RPRD2: variants seen among roughly 807,000 people sequenced by gnomAD.
The protein encoded by RPRD2 is regulation of nuclear pre-mRNA domain containing 2, also known as regulation of nuclear pre-mRNA domain-containing protein 2.
In RPRD2, 12 loss-of-function variants were observed where a neutral mutation model predicts 104.4. The observed-to-expected ratio is 0.11, with a 90% CI of 0.07 to 0.19. RPRD2 has a LOEUF of 0.19. Ranked by LOEUF, RPRD2 falls within the 10% of genes least tolerant of loss-of-function variation. The pLI is 1.00. For synonymous variants in RPRD2, 714 were observed against 684.9 expected (o/e 1.04, Z -0.66); for missense variants, 1,543 against 1,790.1 (o/e 0.86, Z 2.49).
chr1:150,394,290 TC>T (rs1427790344), intron 1 of RPRD2, among the ~76,000 whole-genome samples: 2 of 152,110 alleles, frequency 1.3e-5, no homozygotes, highest in Non-Finnish European at 2.9e-5. Flanking sequence ...CCTCGGGTGA[TC>T]CGCCCGCCTC....
chr1:150,433,705 A>G (rs1321302403), intron 2 of RPRD2, among the ~76,000 whole-genome samples: 2 of 125,578 alleles, frequency 1.6e-5, no homozygotes, highest in South Asian at 2.2e-4. Flanking sequence ...CGGCCTCCCA[A>G]AGTGCTGGGA....
intron 2 of RPRD2, among the ~76,000 whole-genome samples, chr1:150,420,216 A>G (rs911280638): frequency 3.3e-5 from 5 of 152,044 alleles, no homozygotes; most frequent in African/African-American, 2.4e-5. Context: ...TTCATGACCT[A>G]TTTCATGGAT....
chr1:150,407,167 A>G (rs1553886715), intron 1 of RPRD2, among the ~76,000 whole-genome samples: 1 of 152,194 alleles, frequency 6.6e-6, no homozygotes, highest in African/African-American at 2.4e-5. Flanking sequence ...TGGCACATAC[A>G]GTGCTAGGGT....
At chr1:150,452,860 G>T (rs1667289729) in intron 7 of RPRD2, among the ~76,000 whole-genome samples, 1 of 151,372 alleles carries the variant, frequency 6.6e-6, no homozygotes, top group Admixed American at 6.6e-5. Context: ...AACAGTGATG[G>T]GGTTTCACCA....
chr1:150,446,305 T>C lies in RPRD2; in HGVS notation c.774T>C (p.Asp258=), dbSNP rs1483359832. 9 of 1,612,510 alleles carry C rather than the reference T, an allele frequency of 5.6e-6. No homozygotes were observed. Among genetic ancestry groups the C allele is most frequent in the Non-Finnish European group, 7.6e-6 (9 of 1,179,540 alleles). The stretch of plus-strand genomic sequence containing the variant: ...TGGAAGAATTTGTGAATGGATTAGA[T>C]AAGCAGGTGAAAAACGGACCCTCAT... ...SKLEEFVNGL[D]KQVKNGPSLT... Residue 258 remains aspartate (D), a synonymous_variant, in exon 7 of 11, where the codon GAT becomes GAC. Coordinates refer to ENST00000369068, the MANE Select transcript of RPRD2 (RefSeq NM_015203.5).
chr1:150,401,710 C>A (rs2102220897), intron 1 of RPRD2, among the ~76,000 whole-genome samples: 1 of 150,934 alleles, frequency 6.6e-6, no homozygotes, highest in Non-Finnish European at 1.5e-5. Context: ...GTGGCGCAAT[C>A]TCGGCTCACT....
intron 2 of RPRD2, among the ~76,000 whole-genome samples, chr1:150,423,087 A>T (rs1337141136): frequency 1.3e-5 from 2 of 152,212 alleles, no homozygotes; most frequent in African/African-American, 4.8e-5. Flanking sequence ...GAGGGGTAAA[A>T]ATGAAAGTTA....
intron 1 of RPRD2, among the ~76,000 whole-genome samples, chr1:150,377,669 TAATA>T (rs1160782498): frequency 2.0e-5 from 3 of 151,620 alleles, no homozygotes; most frequent in African/African-American, 7.3e-5. Context: ...GGAAGTATAA[TAATA>T]TGAGTTTTAT....
At position 150,471,334 on chromosome 1, in the gene RPRD2, A is replaced by C. The variant is rs1157460268; in HGVS notation, c.2386A>C (p.Ser796Arg). Residue 796 changes from serine (S) to arginine (R), a missense_variant, in exon 11 of 11, where the codon AGT (serine) becomes CGT (arginine). Physicochemically the swap from Ser to Arg is moderately radical, Grantham distance 110. This residue lies in a region of RPRD2 where 880 missense variants were observed against 885.6 expected (regional missense o/e 0.99). Coordinates refer to ENST00000369068, the MANE Select transcript of RPRD2 (RefSeq NM_015203.5). The surrounding 1 kb of genome is among the most constrained non-coding windows in gnomAD (Gnocchi z 5.3). The part of the protein sequence containing the change: ...VSTYRPFGLG[S>R]ESPYKQPSDG... ...TACATATCGACCCTTTGGTCTGGGC[A>C]GTGAATCTCCCTATAAGCAGCCTTC... is the stretch of plus-strand genomic sequence containing the variant. 6.2e-7 allele frequency: 1 copy of C among 1,613,590 alleles called. No homozygotes were observed. Among genetic ancestry groups the C allele is most frequent in the East Asian group, 2.2e-5 (1 of 44,862 alleles).
At chr1:150,408,024 T>A (rs1294355157) in intron 1 of RPRD2, among the ~76,000 whole-genome samples, 1 of 151,990 alleles carries the variant, frequency 6.6e-6, no homozygotes, top group Non-Finnish European at 1.5e-5. Context: ...TCCTTACATC[T>A]TGACCTCCCA....
chr1:150,404,832 T>C (rs1157809344), intron 1 of RPRD2, among the ~76,000 whole-genome samples: 3 of 152,232 alleles, frequency 2.0e-5, no homozygotes, highest in Non-Finnish European at 4.4e-5. Flanking sequence ...CAGAATTCAG[T>C]CTGGTTTTAG....
At chr1:150,392,851 C>A (rs1283193148) in intron 1 of RPRD2, among the ~76,000 whole-genome samples, 1 of 151,020 alleles carries the variant, frequency 6.6e-6, no homozygotes, top group Non-Finnish European at 1.5e-5. Flanking sequence ...AGAAAAAAAA[C>A]AAAGAAAAGA....
intron 1 of RPRD2, among the ~76,000 whole-genome samples, chr1:150,416,872 C>CAAAAAAAAAAAAA (rs782463847): frequency 1.4e-5 from 1 of 72,428 alleles, no homozygotes; most frequent in Non-Finnish European, 2.7e-5. Flanking sequence ...ACTCCATCTC[C>CAAAAAAAAAAAAA]AAAAAAAAAA....
chr1:150,424,480 G>T (rs1202894045), intron 2 of RPRD2, among the ~76,000 whole-genome samples: 1 of 151,948 alleles, frequency 6.6e-6, no homozygotes, highest in African/African-American at 2.4e-5. Context: ...TAGAGACAGG[G>T]TTTCACCATG....
Position 150,464,529 on chromosome 1 carries a change from G to T in RPRD2, c.1414G>T (p.Val472Phe), listed in dbSNP as rs1475175675. The T allele has an allele frequency of 1.9e-6, 3 of 1,594,992 alleles. No individual in the cohort carries two copies. The highest frequency in any genetic ancestry group is 2.6e-6 in the Non-Finnish European group (3 of 1,170,868). ...SLTSVMKNTG[V>F]SPASRPSPGT... Reference sequence around the variant, plus strand: ...TGAGTTCATCTTTCTGCCACCAGGGGTCAGTCCTGCATCAAGACCTTCTCC... The same window carrying T: ...TGAGTTCATCTTTCTGCCACCAGGGTTCAGTCCTGCATCAAGACCTTCTCC... Residue 472 changes from valine to phenylalanine, a missense_variant and splice_region_variant, in exon 10 of 11, where the codon GTC becomes TTC. Around this residue, in one of 4 missense-constraint regions of RPRD2, gnomAD observed 572 missense variants for 787.3 expected, o/e 0.73. Transcript: ENST00000369068.
intron 1 of RPRD2, among the ~76,000 whole-genome samples, chr1:150,407,088 T>C (rs1433958377): frequency 6.6e-6 from 1 of 152,238 alleles, no homozygotes; most frequent in Non-Finnish European, 1.5e-5. Context: ...AATTTCTGTA[T>C]TAGTATATTC....
At chr1:150,372,615 A>G (rs1283862864) in intron 1 of RPRD2, among the ~76,000 whole-genome samples, 1 of 152,178 alleles carries the variant, frequency 6.6e-6, no homozygotes, top group African/African-American at 2.4e-5. Context: ...CTAGAGAAAT[A>G]GAAAGCAGGG....
intron 1 of RPRD2, among the ~76,000 whole-genome samples, chr1:150,410,953 C>T (rs1663848187): frequency 6.6e-6 from 1 of 152,126 alleles, no homozygotes; most frequent in South Asian, 2.1e-4. Flanking sequence ...CCCTCAGCCT[C>T]GCAGGCTCAA....
At chr1:150,410,728 A>G (rs899206299) in intron 1 of RPRD2, among the ~76,000 whole-genome samples, 12 of 152,198 alleles carry the variant, frequency 7.9e-5, no homozygotes, top group Non-Finnish European at 1.6e-4. Flanking sequence ...AAACAAGGAT[A>G]TTCCTTAAAC....
Sources: gnomAD v4.1 joint callset for allele counts (sites outside exome capture counted in the v4.1 genomes callset) on GRCh38, gnomAD v4.1.1 for gene constraint, gnomAD v4.1.1 regional missense constraint, Gnocchi (gnomAD v3.1) non-coding constraint, MANE v1.5 for transcripts, NCBI Gene and HGNC (gene_info 2026-07-23, HGNC 2026-07-21) for gene names.